Variants in STK10 observed in about 807,000 individuals in gnomAD.
STK10 encodes the protein serine/threonine kinase 10.
Under a neutral mutation model 113.8 loss-of-function variants are expected in STK10, and 78 were observed. The ratio of observed to expected loss-of-function variants is 0.69; its 90% CI spans 0.57 to 0.83. The LOEUF (loss-of-function observed/expected upper bound fraction) is 0.83, where lower values mean the gene tolerates loss of function less well. Among genes scored for constraint, STK10 ranks in the 40% least tolerant of loss-of-function variants. STK10 has a pLI of 0.00. For missense variants in STK10, 1,109 were observed against 1,280.1 expected (o/e 0.87, Z 2.04); for synonymous variants, 465 against 494.7 (o/e 0.94, Z 0.80).
chr5:172,064,577 G>A (rs1232863429), intron 13 of STK10, 143 bp downstream of exon 13: 4 of 773,862 alleles, frequency 5.2e-6, no homozygotes, highest in Admixed American at 2.2e-5. Context: ...GGATAATGGG[G>A]CCATGAAGGA....
At chr5:172,144,473 G>A (rs1055920257) in intron 2 of STK10, among the ~76,000 whole-genome samples, 1 of 152,190 alleles carries the variant, frequency 6.6e-6, no homozygotes, top group Non-Finnish European at 1.5e-5. Flanking sequence ...ACCAAAAAAC[G>A]CAACAGTCAA....
In STK10 at chr5:172,045,042, G is replaced by T. The variant is rs753888210; in HGVS notation, c.2767-20C>A. The T allele has an allele frequency of 1.2e-5, 19 of 1,613,164 alleles. No homozygotes were observed. The highest frequency in any genetic ancestry group is 1.6e-5 in the Non-Finnish European group (19 of 1,179,638). On this transcript the variant is annotated intron_variant, in intron 18 of 18. Coordinates refer to ENST00000176763, the MANE Select transcript of STK10 (RefSeq NM_005990.4). ...CAGAGCCTAGGGAAGAGAGAGGATG[G>T]ATGGCACTTGGTGAGATCTGCAGGC...
At chr5:172,072,197 A>G (rs1348013944) in intron 12 of STK10, among the ~76,000 whole-genome samples, 1 of 152,262 alleles carries the variant, frequency 6.6e-6, no homozygotes, top group Non-Finnish European at 1.5e-5. Flanking sequence ...ATTTGATAAA[A>G]TTCAACACCT....
At chr5:172,146,284 C>A (rs984538705) in intron 2 of STK10, among the ~76,000 whole-genome samples, 1 of 152,096 alleles carries the variant, frequency 6.6e-6, no homozygotes, top group Non-Finnish European at 1.5e-5. Flanking sequence ...CCTGTCTAAA[C>A]GAGGGAGGTG....
chr5:172,094,056 T>G, intron 8 of STK10, 96 bp from the exon 9 acceptor site: 1 of 1,006,968 alleles, frequency 9.9e-7, no homozygotes, highest in Non-Finnish European at 1.3e-6. Flanking sequence ...ACCCTCAAGA[T>G]GAAGTGGGCC....
rs534947682 is a variant in STK10 at position 172,121,520 on chromosome 5, T to C, written c.371-3890A>G. ...ACACTCAGCTAGTTTATAAAAAAAA[T>C]TTTTGGCAGGGCGCGGTGGCTCACG... On this transcript the variant is annotated intron_variant, in intron 3 of 18. Transcript: ENST00000176763. 2.0e-5 allele frequency among the ~76,000 whole-genome samples: 3 copies of C among 151,858 alleles called. No individual in the cohort carries two copies. In the East Asian group the frequency reaches 5.9e-4, roughly 30 times the overall value.
intron 2 of STK10, among the ~76,000 whole-genome samples, chr5:172,153,826 G>A (rs1186492354): frequency 2.0e-5 from 3 of 152,142 alleles, no homozygotes; most frequent in Admixed American, 6.5e-5. Context: ...CCATTTGCTG[G>A]TCCCTCTACT....
At chr5:172,099,886 C>T (rs1474270187) in intron 7 of STK10, among the ~76,000 whole-genome samples, 1 of 152,190 alleles carries the variant, frequency 6.6e-6, no homozygotes, top group East Asian at 1.9e-4. Flanking sequence ...TTCAGCACGG[C>T]CAGGAACTCT....
At chr5:172,144,051 G>A (rs1395290204) in intron 2 of STK10, among the ~76,000 whole-genome samples, 1 of 152,220 alleles carries the variant, frequency 6.6e-6, no homozygotes, top group Non-Finnish European at 1.5e-5. Context: ...TAGTGCATAC[G>A]TGGCATGGCG....
intron 4 of STK10, among the ~76,000 whole-genome samples, chr5:172,114,289 C>CTGTGT (rs1554119949): frequency 7.2e-6 from 1 of 138,776 alleles, no homozygotes; most frequent in Non-Finnish European, 1.5e-5. Flanking sequence ...TAGCTACTCT[C>CTGTGT]GTGTGTGTGT....
At chr5:172,058,070 G>C (rs1444538627) in intron 14 of STK10, among the ~76,000 whole-genome samples, 3 of 152,182 alleles carry the variant, frequency 2.0e-5, no homozygotes, top group Non-Finnish European at 4.4e-5. Context: ...TAACACTGGA[G>C]GTCTATTAAT....
intron 1 of STK10, among the ~76,000 whole-genome samples, chr5:172,160,429 C>T (rs746642523): frequency 4.0e-5 from 6 of 150,056 alleles, no homozygotes; most frequent in African/African-American, 9.8e-5. Context: ...GAGCCGAGAT[C>T]GCACCACTGC....
At chr5:172,176,639 C>T (rs1242171824) in intron 1 of STK10, among the ~76,000 whole-genome samples, 1 of 152,200 alleles carries the variant, frequency 6.6e-6, no homozygotes, top group East Asian at 1.9e-4. Flanking sequence ...GTTACATGGG[C>T]TGACCTGATC....
At chr5:172,060,136 G>C (rs986385170) in intron 14 of STK10, among the ~76,000 whole-genome samples, 1 of 152,100 alleles carries the variant, frequency 6.6e-6, no homozygotes, top group Non-Finnish European at 1.5e-5. Context: ...GGCTGGGCAC[G>C]TTGGCTTATG....
At position 172,043,458 on chromosome 5, in the gene STK10, G is replaced by C. The variant is rs544720719; in HGVS notation, c.*1424C>G. The C allele has an allele frequency of 6.6e-6, 1 of 152,072 alleles. No homozygotes were observed. Among genetic ancestry groups the C allele is most frequent in the African/African-American group, 2.4e-5 (1 of 41,386 alleles). The allele number at this position is 152,072 out of a possible 1,614,324, so 9.4% of individuals were successfully genotyped here. On this transcript the variant is annotated 3_prime_UTR_variant, in exon 19 of 19. Coordinates refer to ENST00000176763, the MANE Select transcript of STK10 (RefSeq NM_005990.4). ...AACACTACCCAGACTCAATATGCCC[G>C]CATGATTACTCCAAATCATTACCAG...
intron 7 of STK10, among the ~76,000 whole-genome samples, chr5:172,102,133 G>A (rs1769004111): frequency 6.6e-6 from 1 of 152,178 alleles, no homozygotes. Context: ...CAACAGAGAG[G>A]GCAGGGGACC....
chr5:172,095,343 A>T (rs1335931381), intron 8 of STK10, among the ~76,000 whole-genome samples: 1 of 152,160 alleles, frequency 6.6e-6, no homozygotes, highest in African/African-American at 2.4e-5. Context: ...CCCAATACCC[A>T]CAGGACAAAG....
intron 2 of STK10, among the ~76,000 whole-genome samples, chr5:172,146,805 AATC>A (rs1362070038): frequency 6.6e-6 from 1 of 152,246 alleles, no homozygotes; most frequent in African/African-American, 2.4e-5. Context: ...CTCACACCAC[AATC>A]ATCAACACAG....
At chr5:172,116,645 T>A (rs1487604776) in intron 4 of STK10, among the ~76,000 whole-genome samples, 1 of 141,750 alleles carries the variant, frequency 7.1e-6, no homozygotes, top group East Asian at 2.3e-4. Context: ...AGGCGGGTGG[T>A]TCACTTGTGG....
Sources: gnomAD v4.1 joint callset for allele counts (sites outside exome capture counted in the v4.1 genomes callset) on GRCh38, gnomAD v4.1.1 for gene constraint, MANE v1.5 for transcripts, NCBI Gene and HGNC (gene_info 2026-07-23, HGNC 2026-07-21) for gene names.